PAK5: variants seen among roughly 807,000 people sequenced by gnomAD.
PAK5 encodes the protein serine/threonine-protein kinase PAK 5.
Under a neutral mutation model 65.9 loss-of-function variants are expected in PAK5, and 16 were observed. The ratio of observed to expected loss-of-function variants is 0.24; its 90% CI spans 0.16 to 0.37. The LOEUF is 0.37. Ranked by LOEUF, PAK5 falls within the 10% of genes least tolerant of loss-of-function variation. The pLI is 1.00. For missense variants in PAK5, 785 were observed against 903.9 expected (o/e 0.87, Z 1.69); for synonymous variants, 371 against 354.9 (o/e 1.05, Z -0.51).
chr20:9,668,656 T>C (rs2047451943), intron 2 of PAK5, among the ~76,000 whole-genome samples: 1 of 152,196 alleles, frequency 6.6e-6, no homozygotes, highest in Non-Finnish European at 1.5e-5. Context: ...TTTTGCATAT[T>C]GGAGTGGCAT....
At chr20:9,581,153 C>G (rs2045973946) in intron 3 of PAK5, among the ~76,000 whole-genome samples, 1 of 152,096 alleles carries the variant, frequency 6.6e-6, no homozygotes, top group Admixed American at 6.5e-5. Context: ...CCTATCTCAA[C>G]AGAGACATCA....
At chr20:9,681,925 A>G (rs749015913) in intron 2 of PAK5, among the ~76,000 whole-genome samples, 4 of 152,154 alleles carry the variant, frequency 2.6e-5, no homozygotes, top group African/African-American at 9.7e-5. Context: ...CTTCTTCACT[A>G]TATAGAGAGT....
At chr20:9,709,618 G>A (rs1286484119) in intron 2 of PAK5, among the ~76,000 whole-genome samples, 2 of 152,130 alleles carry the variant, frequency 1.3e-5, no homozygotes, top group African/African-American at 4.8e-5. Flanking sequence ...GCTGCACTGG[G>A]TCTGTTTTCT....
At chr20:9,804,971 T>C (rs548064603) in intron 1 of PAK5, among the ~76,000 whole-genome samples, 3 of 152,302 alleles carry the variant, frequency 2.0e-5, no homozygotes, top group African/African-American at 7.2e-5. Flanking sequence ...ATAATGCTAA[T>C]ATTATATCTG....
intron 1 of PAK5, among the ~76,000 whole-genome samples, chr20:9,760,502 G>A (rs1211243903): frequency 6.6e-6 from 1 of 151,038 alleles, no homozygotes; most frequent in African/African-American, 2.4e-5. Flanking sequence ...CAAATCTACT[G>A]GGCTGCTCCT....
chr20:9,636,028 T>G (rs1054430239), intron 3 of PAK5, among the ~76,000 whole-genome samples: 9 of 152,184 alleles, frequency 5.9e-5, no homozygotes, highest in African/African-American at 1.9e-4. Context: ...CCTTCTGGCT[T>G]AATTCTGACC....
chr20:9,702,888 C>T (rs781039618), intron 2 of PAK5, among the ~76,000 whole-genome samples: 1 of 152,156 alleles, frequency 6.6e-6, no homozygotes, highest in Non-Finnish European at 1.5e-5. Flanking sequence ...AAGATTAACT[C>T]CTGGACAGCT....
chr20:9,598,910 T>C, intron 3 of PAK5, among the ~76,000 whole-genome samples: 1 of 152,240 alleles, frequency 6.6e-6, no homozygotes, highest in South Asian at 2.1e-4. Flanking sequence ...TTTCTAAGTA[T>C]AAAATTTGGT....
Position 9,557,644 on chromosome 20 carries a change from T to C in PAK5, c.1707A>G (p.Ile569Met). ...TTGTCAGGAGGATGGAGTCACTTTT[T>C]ATGTCCCTGTGAATCACTCCTTGGT... ...LHNQGVIHRD[I>M]KSDSILLTSD... is the part of the protein sequence containing the mutation. Residue 569 changes from isoleucine (I) to methionine (M), a missense_variant, in exon 7 of 10, where the codon ATA becomes ATG. Ile to Met is a conservative substitution (Grantham distance 10). Transcript: ENST00000353224. The C allele has an allele frequency of 6.2e-7, 1 of 1,612,442 alleles. No individual in the cohort carries two copies. The highest frequency in any genetic ancestry group is 8.5e-7 in the Non-Finnish European group (1 of 1,179,106).
At chr20:9,791,405 C>T (rs1333713374) in intron 1 of PAK5, among the ~76,000 whole-genome samples, 1 of 152,116 alleles carries the variant, frequency 6.6e-6, no homozygotes, top group African/African-American at 2.4e-5. Context: ...TTGGGCACAA[C>T]TTTGATTCCT....
intron 3 of PAK5, among the ~76,000 whole-genome samples, chr20:9,641,564 C>T (rs1274479790): frequency 6.6e-6 from 1 of 151,806 alleles, no homozygotes; most frequent in Non-Finnish European, 1.5e-5. Flanking sequence ...GGTGGAGCTG[C>T]CTGCCAGTCC....
chr20:9,559,098 A>C (rs2045555758), intron 6 of PAK5, among the ~76,000 whole-genome samples: 5 of 152,168 alleles, frequency 3.3e-5, no homozygotes. Context: ...TCTAGGTGAG[A>C]ATTATTTGGA....
chr20:9,550,993 A>G (rs1209992378), intron 7 of PAK5, among the ~76,000 whole-genome samples: 1 of 152,088 alleles, frequency 6.6e-6, no homozygotes, highest in Non-Finnish European at 1.5e-5. Context: ...GCATCCTAAT[A>G]ACCATCTCCC....
intron 2 of PAK5, among the ~76,000 whole-genome samples, chr20:9,676,131 C>G (rs2047568231): frequency 6.6e-6 from 1 of 152,052 alleles, no homozygotes. Context: ...GTGAAAAAAG[C>G]ATGTGCAGGA....
chr20:9,669,461 A>G (rs948852414), intron 2 of PAK5, among the ~76,000 whole-genome samples: 7 of 152,172 alleles, frequency 4.6e-5, no homozygotes, highest in African/African-American at 1.7e-4. Context: ...GTGCAATCAT[A>G]TCAAAAGTCC....
At chr20:9,724,324 C>A (rs1214786209) in intron 1 of PAK5, among the ~76,000 whole-genome samples, 1 of 152,160 alleles carries the variant, frequency 6.6e-6, no homozygotes, top group African/African-American at 2.4e-5. Flanking sequence ...CTTTGAATTG[C>A]CAACCTTCAG....
At chr20:9,807,816 C>G (rs1263397518) in intron 1 of PAK5, among the ~76,000 whole-genome samples, 1 of 146,592 alleles carries the variant, frequency 6.8e-6, no homozygotes, top group African/African-American at 2.5e-5. Context: ...TGCCTTCTAG[C>G]TTAGTAGACA....
intron 3 of PAK5, among the ~76,000 whole-genome samples, chr20:9,613,929 T>G (rs2046609605): frequency 6.6e-6 from 1 of 151,980 alleles, no homozygotes; most frequent in Non-Finnish European, 1.5e-5. Context: ...ACCCAGTGCA[T>G]CACATCTGGC....
At chr20:9,776,649 C>A (rs1477137812) in intron 1 of PAK5, among the ~76,000 whole-genome samples, 1 of 152,128 alleles carries the variant, frequency 6.6e-6, no homozygotes, top group East Asian at 1.9e-4. Flanking sequence ...TGTAAGTACA[C>A]TCAAGCAGCC....
Sources: allele counts gnomAD v4.1 joint callset (sites outside exome capture counted in the v4.1 genomes callset), GRCh38; gene constraint gnomAD v4.1.1; transcripts MANE v1.5; gene names NCBI Gene and HGNC (gene_info 2026-07-23, HGNC 2026-07-21).